Variants in SNX18 observed in about 807,000 individuals in gnomAD.
The protein encoded by SNX18 is sorting nexin-18.
In SNX18, 35 loss-of-function variants were observed where a neutral mutation model predicts 48.7. The ratio of observed to expected loss-of-function variants is 0.72; its 90% CI spans 0.55 to 0.95. The LOEUF (loss-of-function observed/expected upper bound fraction) is 0.95. Ranked by LOEUF, SNX18 falls within the 40% of genes least tolerant of loss-of-function variation. The probability of loss-of-function intolerance (pLI) is 0.00; values close to 1 mark genes in which losing one functional copy is unlikely to be tolerated. For missense variants in SNX18, 824 were observed against 871.0 expected (o/e 0.95, Z 0.68); for synonymous variants, 492 against 384.7 (o/e 1.28, Z -3.26).
chr5:54,581,256 G>C, the SNX18 span, among the ~76,000 whole-genome samples: 1 of 152,148 alleles, frequency 6.6e-6, no homozygotes, highest in Non-Finnish European at 1.5e-5. Flanking sequence ...TGCATGCCAA[G>C]TTATATTTGG....
At chr5:54,523,902 G>A (rs1762079826) in intron 1 of SNX18, among the ~76,000 whole-genome samples, 1 of 152,216 alleles carries the variant, frequency 6.6e-6, no homozygotes, top group South Asian at 2.1e-4. Context: ...TTCTCCTGTA[G>A]CTAAAAATAG....
At chr5:54,520,053 T>C in intron 1 of SNX18, 1 of 478,576 alleles carries the variant, frequency 2.1e-6, no homozygotes, top group Admixed American at 3.8e-5. Flanking sequence ...TCTGCTTTGG[T>C]AGAGGAATTA....
chr5:54,612,920 C>T, the SNX18 span, among the ~76,000 whole-genome samples: 5 of 152,216 alleles, frequency 3.3e-5, no homozygotes, highest in East Asian at 1.9e-4. Context: ...CTAATCCAGA[C>T]GTAAGGCATC....
At chr5:54,638,758 G>C in the SNX18 span, among the ~76,000 whole-genome samples, 1 of 152,088 alleles carries the variant, frequency 6.6e-6, no homozygotes, top group African/African-American at 2.4e-5. Context: ...TATAGATAAA[G>C]AAAACAAGCA....
At chr5:54,539,902 G>A (rs755840365) in intron 1 of SNX18, among the ~76,000 whole-genome samples, 4 of 151,508 alleles carry the variant, frequency 2.6e-5, no homozygotes, top group African/African-American at 7.3e-5. Context: ...ATGGAGTTTC[G>A]CTCTTGTTGC....
chr5:54,638,686 T>G, the SNX18 span, among the ~76,000 whole-genome samples: 1 of 152,204 alleles, frequency 6.6e-6, no homozygotes, highest in African/African-American at 2.4e-5. Context: ...ATATTTTACA[T>G]GTATCACTTC....
the SNX18 span, among the ~76,000 whole-genome samples, chr5:54,601,102 G>GCCCA: frequency 1.3e-5 from 2 of 151,212 alleles, no homozygotes; most frequent in Non-Finnish European, 2.9e-5. Flanking sequence ...CTGTCCATCT[G>GCCCA]TCCATCCATC....
At position 54,518,082 on chromosome 5, in the gene SNX18, A is replaced by T; in HGVS notation, c.130A>T (p.Ser44Cys). 1.3e-6 allele frequency: 2 copies of T among 1,533,954 alleles called. No individual in the cohort carries two copies. The highest frequency in any genetic ancestry group is 1.7e-6 in the Non-Finnish European group (2 of 1,146,464). Residue 44 changes from serine (S) to cysteine (C), a missense_variant, in exon 1 of 2, where the codon AGC becomes TGC. Ser to Cys is a moderately radical substitution (Grantham distance 112). Transcript: ENST00000381410. Reference protein sequence around the residue: ...DIEGWLEGVNSRGDRGLFPAS... With the variant: ...DIEGWLEGVNCRGDRGLFPAS... ...CGAGGGCTGGCTCGAGGGGGTCAAC[A>T]GCCGCGGCGACCGCGGCCTCTTCCC... is the stretch of plus-strand genomic sequence containing the variant.
chr5:54,626,091 A>G, the SNX18 span, among the ~76,000 whole-genome samples: 1 of 152,206 alleles, frequency 6.6e-6, no homozygotes, highest in African/African-American at 2.4e-5. Flanking sequence ...TTTTTGGCTT[A>G]AGCTAACTTA....
the SNX18 span, among the ~76,000 whole-genome samples, chr5:54,632,866 C>T: frequency 2.0e-3 from 303 of 152,150 alleles, no homozygotes; most frequent in African/African-American, 7.0e-3. Flanking sequence ...CTCTGCCTCC[C>T]GGGGTTCAAG....
At chr5:54,592,380 G>C in the SNX18 span, among the ~76,000 whole-genome samples, 6 of 152,196 alleles carry the variant, frequency 3.9e-5, no homozygotes, top group Non-Finnish European at 8.8e-5. Flanking sequence ...CCTAGCACTT[G>C]TGAAATCAAA....
At position 54,519,008 on chromosome 5, in the gene SNX18, C is replaced by G; in HGVS notation, c.1056C>G (p.Arg352=). ...GRFEEDFISK[R]RKGLIWWMNH... Reference sequence around the variant, plus strand: ...TCGAGGAGGACTTCATCTCTAAGCGCAGGAAGGGCCTGATCTGGTGGATGA... The same window carrying G: ...TCGAGGAGGACTTCATCTCTAAGCGGAGGAAGGGCCTGATCTGGTGGATGA... Residue 352 remains arginine, a synonymous_variant, in exon 1 of 2, where the codon CGC becomes CGG. Coordinates refer to ENST00000381410, the MANE Select transcript of SNX18 (RefSeq NM_001102575.2). The G allele has an allele frequency of 6.2e-7, 1 of 1,613,358 alleles. No individual in the cohort carries two copies. The highest frequency in any genetic ancestry group is 8.5e-7 in the Non-Finnish European group (1 of 1,179,690).
In SNX18 at chr5:54,543,296, A is replaced by C; in HGVS notation, c.1739A>C (p.Glu580Ala). 2 of 1,614,232 alleles carry C rather than the reference A, an allele frequency of 1.2e-6. No homozygotes were observed. The highest frequency in any genetic ancestry group is 1.1e-5 in the South Asian group (1 of 91,086). The change falls in exon 2 of 2, where the codon GAA becomes GCA. Residue 580 changes from glutamate (E) to alanine (A), a missense_variant. Transcript: ENST00000381410. The part of the protein sequence containing the change: ...CNTISFATLA[E>A]IHHFHQIRVR... ...ACTATTTCTTTTGCCACTTTGGCTG[A>C]AATTCACCACTTCCATCAAATTCGA...
At chr5:54,610,735 C>T in the SNX18 span, among the ~76,000 whole-genome samples, 1 of 152,282 alleles carries the variant, frequency 6.6e-6, no homozygotes, top group South Asian at 2.1e-4. Flanking sequence ...GATACTTTCA[C>T]ATCCTGTTGT....
At chr5:54,572,794 T>A in the SNX18 span, among the ~76,000 whole-genome samples, 5 of 107,338 alleles carry the variant, frequency 4.7e-5, no homozygotes, top group Non-Finnish European at 7.7e-5. Context: ...TTTTTTTTTT[T>A]TTTTTTTTTT....
intron 1 of SNX18, among the ~76,000 whole-genome samples, chr5:54,531,852 C>T (rs888475701): frequency 2.6e-5 from 4 of 152,204 alleles, no homozygotes; most frequent in Non-Finnish European, 5.9e-5. Flanking sequence ...TGCTGCTCAC[C>T]AGTCGGTACC....
the SNX18 span, among the ~76,000 whole-genome samples, chr5:54,566,841 C>T: frequency 3.3e-5 from 5 of 152,188 alleles, no homozygotes; most frequent in Non-Finnish European, 5.9e-5. Flanking sequence ...TGTTGGTGGA[C>T]AGCTATGCTT....
At chr5:54,529,206 A>G (rs1364397941) in intron 1 of SNX18, among the ~76,000 whole-genome samples, 1 of 152,102 alleles carries the variant, frequency 6.6e-6, no homozygotes, top group East Asian at 1.9e-4. Flanking sequence ...TGGGAGGAGA[A>G]CACAGAAGGG....
rs1761970381 is a variant in SNX18, at chr5:54,519,585, CCCTT to C, written c.1621+13_1621+16del. On this transcript the variant is annotated intron_variant, in intron 1 of 1. Transcript: ENST00000381410. Reference sequence around the variant, plus strand: ...CCACGTTCAGAAAGGTAAAGCCTGGCCCTTAGAGCAGGTGATATGGAGTGTATTG... The same window carrying C: ...CCACGTTCAGAAAGGTAAAGCCTGGCAGAGCAGGTGATATGGAGTGTATTG... 5 of 1,614,158 alleles carry C rather than the reference CCCTT, an allele frequency of 3.1e-6. No homozygotes were observed. The highest frequency in any genetic ancestry group is 1.3e-5 in the African/African-American group (1 of 75,024).
Sources: gnomAD v4.1 joint callset for allele counts (sites outside exome capture counted in the v4.1 genomes callset) on GRCh38, gnomAD v4.1.1 for gene constraint, MANE v1.5 for transcripts, NCBI Gene and HGNC (gene_info 2026-07-23, HGNC 2026-07-21) for gene names.